Variants in SNX25 observed in about 807,000 individuals in gnomAD.
SNX25 encodes the protein sorting nexin-25.
In SNX25, 62 loss-of-function variants were observed where a neutral mutation model predicts 113.7. The observed-to-expected ratio is 0.55, with a 90% confidence interval of 0.44 to 0.67. SNX25 has a LOEUF of 0.67. SNX25 is among the 30% of genes least tolerant of loss of function. The pLI is 0.00. For missense variants in SNX25, 1,014 were observed against 1,161.0 expected (o/e 0.87, Z 1.84); for synonymous variants, 421 against 436.2 (o/e 0.97, Z 0.43).
intron 1 of SNX25, among the ~76,000 whole-genome samples, chr4:185,223,156 C>T (rs1407362575): frequency 1.3e-5 from 2 of 152,186 alleles, no homozygotes; most frequent in African/African-American, 2.4e-5. Flanking sequence ...TCAGCACCTT[C>T]TCTCCCACCT....
At chr4:185,216,942 A>C (rs1218293269) in intron 1 of SNX25, among the ~76,000 whole-genome samples, 1 of 152,218 alleles carries the variant, frequency 6.6e-6, no homozygotes, top group African/African-American at 2.4e-5. Flanking sequence ...TTGACTTACC[A>C]GTGAGTATAT....
At chr4:185,322,439 G>C (rs111433049) in intron 8 of SNX25, among the ~76,000 whole-genome samples, 2,109 of 152,158 alleles carry the variant, frequency 0.014, 50 homozygotes, top group African/African-American at 0.049. Context: ...TGGGGAAGGT[G>C]GGGGGGAAGC....
the SNX25 span, chr4:185,375,488 A>AATATATATATATATATATATATG: frequency 1.2e-4 from 1 of 8,606 alleles, no homozygotes; most frequent in Non-Finnish European, 2.2e-4. Context: ...AAAAAAAAAA[A>AATATATATATATATATATATATG]TATATATATA....
intron 12 of SNX25, among the ~76,000 whole-genome samples, chr4:185,342,998 C>T (rs1288553): frequency 6.6e-6 from 1 of 152,108 alleles, no homozygotes; most frequent in Non-Finnish European, 1.5e-5. Context: ...TCAAGCGATT[C>T]TCCTGCCTCA....
intron 6 of SNX25, 68 bp from the exon 7 acceptor site, chr4:185,310,567 G>T: frequency 6.9e-7 from 1 of 1,444,556 alleles, no homozygotes. Flanking sequence ...CACTGATCTG[G>T]TTCTGAATTG....
intron 8 of SNX25, 95 bp from the exon 9 acceptor site, chr4:185,323,433 C>T: frequency 7.9e-7 from 1 of 1,269,428 alleles, no homozygotes; most frequent in South Asian, 1.4e-5. Context: ...TCTTAAATGT[C>T]TTTCTTCTGA....
intron 12 of SNX25, among the ~76,000 whole-genome samples, chr4:185,345,198 C>T (rs1427183913): frequency 6.6e-6 from 1 of 152,140 alleles, no homozygotes; most frequent in Non-Finnish European, 1.5e-5. Flanking sequence ...GATGGCTGGG[C>T]TATTCTCTTA....
At chr4:185,358,757 A>C (rs1207480289) in intron 16 of SNX25, among the ~76,000 whole-genome samples, 1 of 152,226 alleles carries the variant, frequency 6.6e-6, no homozygotes, top group African/African-American at 2.4e-5. Context: ...ATTGTTCACA[A>C]GATAAACATT....
intron 5 of SNX25, among the ~76,000 whole-genome samples, chr4:185,270,557 C>G (rs1398633168): frequency 6.6e-6 from 1 of 152,194 alleles, no homozygotes; most frequent in African/African-American, 2.4e-5. Flanking sequence ...TAGAATTCAC[C>G]ACCTTTAAGT....
chr4:185,206,913 C>T (rs983287930), upstream of SNX25, among the ~76,000 whole-genome samples: 2 of 152,136 alleles, frequency 1.3e-5, no homozygotes, highest in Non-Finnish European at 2.9e-5. Context: ...AGGCAGTAGG[C>T]CTGAGAACCC....
chr4:185,377,412 G>GGAGACTCT, the SNX25 span: 438 of 166,928 alleles, frequency 2.6e-3, 6 homozygotes, highest in African/African-American at 9.9e-3. Context: ...CAGCTACTCG[G>GGAGACTCT]GAGACTCAGG....
intron 1 of SNX25, among the ~76,000 whole-genome samples, chr4:185,217,774 G>A (rs370253189): frequency 6.6e-6 from 1 of 152,172 alleles, no homozygotes; most frequent in African/African-American, 2.4e-5. Flanking sequence ...AAAAGGTGAC[G>A]CAGCAAGTTT....
intron 3 of SNX25, among the ~76,000 whole-genome samples, chr4:185,261,091 T>C (rs1747238255): frequency 6.7e-6 from 1 of 149,792 alleles, no homozygotes; most frequent in African/African-American, 2.5e-5. Context: ...AGGACAGTAT[T>C]CTGTCTGTCT....
intron 17 of SNX25, 38 bp downstream of exon 17, chr4:185,362,143 C>G: frequency 6.4e-7 from 1 of 1,563,364 alleles, no homozygotes; most frequent in Non-Finnish European, 8.7e-7. Flanking sequence ...GCATAGAGAT[C>G]TGAGGGAATG....
At chr4:185,261,936 A>T (rs1293955510) in intron 3 of SNX25, among the ~76,000 whole-genome samples, 2 of 152,360 alleles carry the variant, frequency 1.3e-5, no homozygotes, top group East Asian at 3.9e-4. Flanking sequence ...AATATTGTCT[A>T]ATATTGTCTG....
chr4:185,223,516 C>T (rs372110155), intron 1 of SNX25, among the ~76,000 whole-genome samples: 3 of 152,126 alleles, frequency 2.0e-5, no homozygotes, highest in Admixed American at 6.6e-5. Context: ...TTAGAAGTCA[C>T]GGTGGCCGGG....
chr4:185,242,594 C>T (rs73873411), intron 1 of SNX25, among the ~76,000 whole-genome samples: 6,608 of 152,274 alleles, frequency 0.043, 254 homozygotes, highest in African/African-American at 0.097. Flanking sequence ...GGGAGGGGTG[C>T]GGAGCTTTCA....
At chr4:185,332,854 AT>A (rs1278060157) in intron 10 of SNX25, 95 bp downstream of exon 10, 1 of 1,286,026 alleles carries the variant, frequency 7.8e-7, no homozygotes, top group Non-Finnish European at 1.1e-6. Flanking sequence ...TTCTTTTAAA[AT>A]AATTTTAACC....
intron 5 of SNX25, among the ~76,000 whole-genome samples, chr4:185,279,061 T>C (rs538878145): frequency 1.3e-5 from 2 of 151,972 alleles, no homozygotes; most frequent in African/African-American, 4.8e-5. Flanking sequence ...GATAAAAATA[T>C]AGATAAGATT....
Sources: gnomAD v4.1 joint callset for allele counts (sites outside exome capture counted in the v4.1 genomes callset) on GRCh38, gnomAD v4.1.1 for gene constraint, MANE v1.5 for transcripts, NCBI Gene and HGNC (gene_info 2026-07-23, HGNC 2026-07-21) for gene names.